The following RPS6KA1 variants were observed in gnomAD, a reference collection of about 807,000 sequenced individuals.
RPS6KA1 encodes ribosomal protein S6 kinase alpha-1.
In RPS6KA1, 48 loss-of-function variants were observed where a neutral mutation model predicts 91.3. The observed-to-expected ratio is 0.53, with a 90% CI of 0.42 to 0.67. The LOEUF (loss-of-function observed/expected upper bound fraction) is 0.67, where lower values mean the gene tolerates loss of function less well. Ranked by LOEUF, RPS6KA1 falls within the 30% of genes least tolerant of loss-of-function variation. RPS6KA1 has a pLI of 0.00. For synonymous variants in RPS6KA1, 359 were observed against 384.7 expected (o/e 0.93, Z 0.78); for missense variants, 719 against 960.5 (o/e 0.75, Z 3.32).
At chr1:26,553,263 A>C in intron 6 of RPS6KA1, 128 bp from the exon 7 acceptor site, 1 of 624,392 alleles carries the variant, frequency 1.6e-6, no homozygotes, top group South Asian at 1.9e-5. Flanking sequence ...TGAGAAGGCT[A>C]TATGGCCTGG....
In RPS6KA1 at chr1:26,553,560, A is replaced by G. The variant is rs535391909; in HGVS notation, c.575+63A>G. The G allele has an allele frequency of 1.3e-4, 138 of 1,025,306 alleles. 1 individual carries two copies. The African/African-American group carries it at 2.0e-3, about 15-fold the overall frequency. The allele number at this position is 1,025,306 out of a possible 1,614,324, so 63.5% of individuals were successfully genotyped here. A position where few individuals can be genotyped will look rare whatever the true frequency, so the allele number is the denominator to read the frequency against. On this transcript the variant is annotated intron_variant, in intron 7 of 21. Coordinates refer to ENST00000374168, the MANE Select transcript of RPS6KA1 (RefSeq NM_002953.4). ...GGGAGGCCTCTTCTAGGACAGGGCC[A>G]TCCTGAGGTGGGTGGGCATGGCTTT...
At chr1:26,573,414 T>C in intron 21 of RPS6KA1, 53 bp downstream of exon 21, 1 of 1,607,728 alleles carries the variant, frequency 6.2e-7, no homozygotes, top group East Asian at 2.2e-5. Flanking sequence ...CAAGGTGGCA[T>C]GGTCAGGGAC....
intron 2 of RPS6KA1, chr1:26,543,968 T>C: frequency 2.4e-5 from 10 of 418,580 alleles, no homozygotes; most frequent in Non-Finnish European, 4.9e-5. Flanking sequence ...AGGAAAATCC[T>C]AGGGAAATGG....
chr1:26,552,082 T>C (rs2076055533), intron 6 of RPS6KA1, among the ~76,000 whole-genome samples: 1 of 152,148 alleles, frequency 6.6e-6, no homozygotes, highest in African/African-American at 2.4e-5. Flanking sequence ...TCCAAAAGGA[T>C]TTTGAACCAA....
chr1:26,541,608 A>G (rs2075948660), intron 2 of RPS6KA1, among the ~76,000 whole-genome samples: 1 of 152,238 alleles, frequency 6.6e-6, no homozygotes. Flanking sequence ...TAGGAGGCAC[A>G]CTTACCATCA....
chr1:26,549,140 T>A (rs775821383), intron 4 of RPS6KA1, among the ~76,000 whole-genome samples: 1 of 149,820 alleles, frequency 6.7e-6, no homozygotes, highest in Non-Finnish European at 1.5e-5. Flanking sequence ...AGTGAAGGCT[T>A]TGGGACTATG....
chr1:26,563,539 T>A (rs2076173065), intron 17 of RPS6KA1, among the ~76,000 whole-genome samples: 2 of 152,194 alleles, frequency 1.3e-5, no homozygotes, highest in Admixed American at 6.5e-5. Context: ...TTTTCTTCTT[T>A]TTTAAAACTG....
Position 26,574,026 on chromosome 1 carries a change from C to T in RPS6KA1, c.2086-53C>T, listed in dbSNP as rs1226180303. 1.3e-6 allele frequency: 2 copies of T among 1,588,148 alleles called. No homozygotes were observed. The highest frequency in any genetic ancestry group is 2.7e-5 in the African/African-American group (2 of 74,662). On this transcript the variant is annotated intron_variant, in intron 21 of 21. Coordinates refer to ENST00000374168, the MANE Select transcript of RPS6KA1 (RefSeq NM_002953.4). The surrounding 1 kb of genome is among the most constrained non-coding windows in gnomAD (Gnocchi z 4.3). ...GGCCTACCCTTGGGGCATGGATCCC[C>T]TCCCCGCTACATCTCCCACCATTGT...
chr1:26,552,859 C>A (rs569643076), intron 6 of RPS6KA1: 3 of 423,330 alleles, frequency 7.1e-6, no homozygotes, highest in South Asian at 3.4e-5. Context: ...ATGAAGAAGT[C>A]TTCCTCCCAC....
chr1:26,546,235 G>A (rs911907083), intron 2 of RPS6KA1, among the ~76,000 whole-genome samples: 4 of 152,240 alleles, frequency 2.6e-5, no homozygotes, highest in Admixed American at 2.0e-4. Context: ...GCAGATTGGA[G>A]GGAGGGTAGA....
Position 26,555,987 on chromosome 1 carries a change from C to T in RPS6KA1, c.916+362C>T, listed in dbSNP as rs2124643837. On this transcript the variant is annotated intron_variant, in intron 11 of 21. Coordinates refer to ENST00000374168, the MANE Select transcript of RPS6KA1 (RefSeq NM_002953.4). The surrounding 1 kb of genome is among the most constrained non-coding windows in gnomAD (Gnocchi z 4.3). ...CAGGTCCCCACTGCCTGGCACAAAACAGTCCCTCTATAAATATTTGTTAAA... is the reference window on the plus strand; with the variant it reads ...CAGGTCCCCACTGCCTGGCACAAAATAGTCCCTCTATAAATATTTGTTAAA... 1 of 347,002 alleles carries T rather than the reference C, an allele frequency of 2.9e-6. No individual in the cohort carries two copies. The highest frequency in any genetic ancestry group is 2.1e-5 in the African/African-American group (1 of 48,620). 21.5% of individuals were successfully genotyped at this position (347,002 alleles called of 1,614,324 possible). A position where few individuals can be genotyped will look rare whatever the true frequency, so the allele number is the denominator to read the frequency against.
chr1:26,570,183 A>C (rs1023380447), intron 17 of RPS6KA1, among the ~76,000 whole-genome samples: 1 of 151,988 alleles, frequency 6.6e-6, no homozygotes, highest in Non-Finnish European at 1.5e-5. Flanking sequence ...TAGAGGATTG[A>C]CTATGAATGG....
chr1:26,554,077 C>T lies in RPS6KA1; in HGVS notation c.576-137C>T. ...CCTGCGTGGTACTGCTACCACCCTGCAACACCCGCCCAGTCATCAGAGAGA... is the reference window on the plus strand; with the variant it reads ...CCTGCGTGGTACTGCTACCACCCTGTAACACCCGCCCAGTCATCAGAGAGA... On this transcript the variant is annotated intron_variant, in intron 7 of 21. Coordinates refer to ENST00000374168, the MANE Select transcript of RPS6KA1 (RefSeq NM_002953.4). This position sits in a 1 kb window ranked among gnomAD's most constrained non-coding sequence, Gnocchi z 4.6. 1 of 869,152 alleles carries T rather than the reference C, an allele frequency of 1.2e-6. No homozygotes were observed. Among genetic ancestry groups the T allele is most frequent in the Middle Eastern group, 3.4e-4 (1 of 2,976 alleles). The allele number at this position is 869,152 out of a possible 1,614,324, so 53.8% of individuals were successfully genotyped here. A position where few individuals can be genotyped will look rare whatever the true frequency, so the allele number is the denominator to read the frequency against.
At position 26,571,628 on chromosome 1, in the gene RPS6KA1, CT is replaced by C; in HGVS notation, c.1752+19del. On this transcript the variant is annotated intron_variant, in intron 18 of 21. Transcript: ENST00000374168. The surrounding 1 kb of genome is among the most constrained non-coding windows in gnomAD (Gnocchi z 5.1). ...CGCCTGAGGTGAGTGGCCCAGCCTCCTCAGCTGTAAGAGTGAGGGGGAATTG... is the reference window on the plus strand; with the variant it reads ...CGCCTGAGGTGAGTGGCCCAGCCTCCCAGCTGTAAGAGTGAGGGGGAATTG... The C allele has an allele frequency of 6.2e-7, 1 of 1,612,966 alleles. No homozygotes were observed. The highest frequency in any genetic ancestry group is 8.5e-7 in the Non-Finnish European group (1 of 1,179,388).
Position 26,574,140 on chromosome 1 carries a change from C to A in RPS6KA1, c.2147C>A (p.Pro716His). Reference sequence around the variant, plus strand: ...TCCAAGCCCACCCCCCAGCTGAAGCCCATCGAGTCATCCATCCTGGCCCAG... The same window carrying A: ...TCCAAGCCCACCCCCCAGCTGAAGCACATCGAGTCATCCATCCTGGCCCAG... ...NSSKPTPQLK[P>H]IESSILAQRR... The change falls in exon 22 of 22, where the codon CCC (proline) becomes CAC (histidine). Residue 716 changes from proline to histidine, a missense_variant. Pro to His is a moderately conservative substitution (Grantham distance 77, BLOSUM62 -2). Transcript: ENST00000374168. The surrounding 1 kb of genome is among the most constrained non-coding windows in gnomAD (Gnocchi z 4.3). 6.2e-7 allele frequency: 1 copy of A among 1,614,142 alleles called. No individual in the cohort carries two copies. Among genetic ancestry groups the A allele is most frequent in the South Asian group, 1.1e-5 (1 of 91,084 alleles).
intron 1 of RPS6KA1, among the ~76,000 whole-genome samples, chr1:26,535,994 A>G (rs2075903237): frequency 6.6e-6 from 1 of 152,052 alleles, no homozygotes. Flanking sequence ...CTACTAAAAA[A>G]AATACAAAAA....
chr1:26,551,706 A>T lies in RPS6KA1; in HGVS notation c.451A>T (p.Thr151Ser), dbSNP rs1570438647. Reference protein sequence around the residue: ...LDFLRGGDLFTRLSKEVMFTE... With the variant: ...LDFLRGGDLFSRLSKEVMFTE... ...CTTCCTGCGTGGTGGGGACCTCTTC[A>T]CCCGGCTCTCAAAAGAGGTGAGCTG... The change falls in exon 6 of 22, where the codon ACC becomes TCC. Residue 151 changes from threonine to serine, a missense_variant. By Grantham distance (58) the Thr-to-Ser change is moderately conservative. This residue lies in a region of RPS6KA1 where 159 missense variants were observed against 264.5 expected (regional missense o/e 0.60). Transcript: ENST00000374168. The surrounding 1 kb of genome is among the most constrained non-coding windows in gnomAD (Gnocchi z 4.5). 12 of 1,613,774 alleles carry T rather than the reference A, an allele frequency of 7.4e-6. No individual in the cohort carries two copies. The South Asian group carries it at 1.2e-4, about 16-fold the overall frequency.
In RPS6KA1 at chr1:26,574,221, C is replaced by T; in HGVS notation, c.*20C>T. On this transcript the variant is annotated 3_prime_UTR_variant, in exon 22 of 22. Coordinates refer to ENST00000374168, the MANE Select transcript of RPS6KA1 (RefSeq NM_002953.4). The surrounding 1 kb of genome is among the most constrained non-coding windows in gnomAD (Gnocchi z 4.3). ...CTGTGAGGCACCAGGGCATTCGGGC[C>T]ACAGGGCGGTGCTAGCTTGACACAG... is the stretch of plus-strand genomic sequence containing the variant. The T allele has an allele frequency of 1.2e-6, 2 of 1,613,858 alleles. No homozygotes were observed. The highest frequency in any genetic ancestry group is 1.7e-6 in the Non-Finnish European group (2 of 1,179,888).
At chr1:26,563,937 A>G (rs574625018) in intron 17 of RPS6KA1, among the ~76,000 whole-genome samples, 20 of 152,210 alleles carry the variant, frequency 1.3e-4, no homozygotes, top group Admixed American at 5.9e-4. Flanking sequence ...AGCTTGGCCA[A>G]TATGATGAAA....
Sources: allele counts gnomAD v4.1 joint callset (sites outside exome capture counted in the v4.1 genomes callset), GRCh38; gene constraint gnomAD v4.1.1; regional missense constraint gnomAD v4.1.1; non-coding constraint Gnocchi (gnomAD v3.1); transcripts MANE v1.5; gene names NCBI Gene and HGNC (gene_info 2026-07-23, HGNC 2026-07-21).